Variants in ASB5 observed in about 807,000 individuals in gnomAD.
ASB5 encodes ankyrin repeat and SOCS box protein 5.
ASB5 carries 45 observed loss-of-function variants against 42.1 expected under a neutral mutation model. The observed-to-expected ratio is 1.07, with a 90% CI of 0.84 to 1.37. ASB5 has a LOEUF of 1.37. Among genes scored for constraint, ASB5 ranks in the 40% most tolerant of loss-of-function variants. ASB5 has a pLI of 0.00. For missense variants in ASB5, 402 were observed against 399.8 expected (o/e 1.01, Z -0.05); for synonymous variants, 147 against 150.6 (o/e 0.98, Z 0.18).
At chr4:176,230,469 A>G (rs980607404) in intron 1 of ASB5, among the ~76,000 whole-genome samples, 1 of 152,168 alleles carries the variant, frequency 6.6e-6, no homozygotes, top group Admixed American at 6.5e-5. Context: ...TAGAACATGT[A>G]TACCACTCAA....
intron 2 of ASB5, among the ~76,000 whole-genome samples, chr4:176,274,945 T>C (rs541153295): frequency 6.8e-6 from 1 of 146,170 alleles, no homozygotes; most frequent in African/African-American, 2.6e-5. Flanking sequence ...GATGGAGTCT[T>C]ACTCTGTCGC....
At chr4:176,241,635 T>C (rs1753814630) in intron 1 of ASB5, 1 of 1,388,302 alleles carries the variant, frequency 7.2e-7, no homozygotes, top group Non-Finnish European at 9.3e-7. Context: ...CTACTTTACT[T>C]AAACATGAGT....
chr4:176,248,176 G>A (rs1473446900), intron 1 of ASB5, among the ~76,000 whole-genome samples: 1 of 152,040 alleles, frequency 6.6e-6, no homozygotes, highest in Admixed American at 6.6e-5. Context: ...ATGCAGGCTG[G>A]AGTGCAGCGG....
Position 176,252,461 on chromosome 4 carries a change from T to G in ASB5, c.196+16452A>C, listed in dbSNP as rs142194906. The stretch of plus-strand genomic sequence containing the variant: ...TCCCTTCCTCTTTCCCTTTCTTCCT[T>G]CCATGAATATTCATTAAGAACCTGC... On this transcript the variant is annotated intron_variant, in intron 1 of 6. Coordinates refer to ENST00000296525, the MANE Select transcript of ASB5 (RefSeq NM_080874.4). 5.3e-3 allele frequency among the ~76,000 whole-genome samples: 801 copies of G among 152,352 alleles called. 10 individuals carry two copies. Among genetic ancestry groups the G allele is most frequent in the African/African-American group, 0.018 (766 of 41,574 alleles).
At chr4:176,262,755 T>G (rs1438462467) in intron 1 of ASB5, among the ~76,000 whole-genome samples, 1 of 152,160 alleles carries the variant, frequency 6.6e-6, no homozygotes, top group East Asian at 1.9e-4. Context: ...CATAAATAAG[T>G]GTTGGGCAAG....
In ASB5 at chr4:176,225,294, G is replaced by A. The variant is rs773694713; in HGVS notation, c.244C>T (p.Arg82Cys). 1.2e-5 allele frequency: 20 copies of A among 1,613,790 alleles called. No homozygotes were observed. Among genetic ancestry groups the A allele is most frequent in the South Asian group, 1.2e-4 (11 of 91,072 alleles). ...SPLHEAASQG[R>C]LLALRTLLSQ... is the part of the protein sequence containing the mutation. ...AATAATGTTCTCAGAGCAAGAAGGC[G>A]ACCTTGACTTGCTGCTTCATGTAGT... is the stretch of plus-strand genomic sequence containing the variant. Residue 82 changes from arginine to cysteine, a missense_variant, in exon 2 of 7, where the codon CGC (arginine) becomes TGC (cysteine). Coordinates refer to ENST00000296525, the MANE Select transcript of ASB5 (RefSeq NM_080874.4).
At chr4:176,225,961 C>T (rs900414333) in intron 1 of ASB5, among the ~76,000 whole-genome samples, 4 of 152,214 alleles carry the variant, frequency 2.6e-5, no homozygotes, top group Admixed American at 2.6e-4. Context: ...TTCTTCCAAC[C>T]ATTACCTTGT....
intron 1 of ASB5, among the ~76,000 whole-genome samples, chr4:176,232,290 T>C (rs943575512): frequency 1.3e-5 from 2 of 151,888 alleles, no homozygotes; most frequent in African/African-American, 4.8e-5. Context: ...ACCCATCTGA[T>C]TTTTGTATTT....
intron 6 of ASB5, among the ~76,000 whole-genome samples, chr4:176,216,556 G>A (rs1312094816): frequency 6.6e-6 from 1 of 152,042 alleles, no homozygotes; most frequent in Non-Finnish European, 1.5e-5. Context: ...TCACCATGTT[G>A]GCCAGGATGG....
intron 6 of ASB5, among the ~76,000 whole-genome samples, 199 bp from the exon 7 acceptor site, chr4:176,215,926 A>T (rs56261572): frequency 6.6e-6 from 1 of 152,012 alleles, no homozygotes; most frequent in Non-Finnish European, 1.5e-5. Flanking sequence ...GATATATTCC[A>T]TATACATTCC....
At chr4:176,243,571 CG>C (rs1753852448) in intron 1 of ASB5, among the ~76,000 whole-genome samples, 1 of 151,880 alleles carries the variant, frequency 6.6e-6, no homozygotes, top group South Asian at 2.1e-4. Flanking sequence ...GGCACAATCT[CG>C]GCTCACCGCA....
At chr4:176,276,893 A>G (rs1754571832) in intron 1 of ASB5, among the ~76,000 whole-genome samples, 1 of 152,222 alleles carries the variant, frequency 6.6e-6, no homozygotes, top group Admixed American at 6.5e-5. Flanking sequence ...TCTGATGAGC[A>G]TCTAGCAGCT....
chr4:176,234,990 T>C (rs1281029267), intron 1 of ASB5, among the ~76,000 whole-genome samples: 1 of 152,190 alleles, frequency 6.6e-6, no homozygotes, highest in Non-Finnish European at 1.5e-5. Context: ...TTATAAACAA[T>C]AACTGACAAA....
At chr4:176,219,173 A>ATATT (rs1753092457) in intron 5 of ASB5, among the ~76,000 whole-genome samples, 1 of 121,916 alleles carries the variant, frequency 8.2e-6, no homozygotes, top group Admixed American at 9.8e-5. Context: ...ATATAAATAT[A>ATATT]TATTTGTATG....
At position 176,251,379 on chromosome 4, in the gene ASB5, G is replaced by C. The variant is rs1754030221; in HGVS notation, c.196+17534C>G. Among the ~76,000 whole-genome samples, 2 of 32,000 alleles carry C rather than the reference G, an allele frequency of 6.3e-5. 1 individual carries two copies. The highest frequency in any genetic ancestry group is 1.9e-4 in the African/African-American group (2 of 10,576). The allele number at this position is 32,000 out of a possible 152,430, so 21.0% of individuals were successfully genotyped here. On this transcript the variant is annotated intron_variant, in intron 1 of 6. Coordinates refer to ENST00000296525, the MANE Select transcript of ASB5 (RefSeq NM_080874.4). ...AGATCGAGACCATCCCGGCTAAAAT[G>C]GTGAAACCCCGTCTCTACTAAAAAT...
At chr4:176,272,616 G>A (rs1045339395), upstream of ASB5, among the ~76,000 whole-genome samples, 2 of 152,132 alleles carry the variant, frequency 1.3e-5, no homozygotes, top group Non-Finnish European at 2.9e-5. Context: ...TCCTCCTTTC[G>A]AGTCTCTTGC....
chr4:176,241,687 G>T, intron 1 of ASB5: 1 of 1,309,904 alleles, frequency 7.6e-7, no homozygotes, highest in Non-Finnish European at 9.7e-7. Flanking sequence ...GAGGGCAGAT[G>T]AGGTCTGAGA....
intron 1 of ASB5, among the ~76,000 whole-genome samples, chr4:176,251,592 A>AAAAT (rs1754037089): frequency 7.8e-6 from 1 of 128,734 alleles, no homozygotes; most frequent in African/African-American, 2.9e-5. Flanking sequence ...AAAAAAAAAA[A>AAAAT]TTGTTTGAAG....
At chr4:176,249,989 C>T (rs566768903) in intron 1 of ASB5, among the ~76,000 whole-genome samples, 5 of 149,436 alleles carry the variant, frequency 3.3e-5, no homozygotes. Flanking sequence ...GACATTAACC[C>T]GGGAGGCGGA....
Sources: gnomAD v4.1 joint callset for allele counts (sites outside exome capture counted in the v4.1 genomes callset) on GRCh38, gnomAD v4.1.1 for gene constraint, MANE v1.5 for transcripts, NCBI Gene and HGNC (gene_info 2026-07-23, HGNC 2026-07-21) for gene names.